The following SAMD12 variants were observed in gnomAD, a reference collection of about 807,000 sequenced individuals.
SAMD12 encodes the protein sterile alpha motif domain-containing protein 12.
Under a neutral mutation model 15.0 loss-of-function variants are expected in SAMD12, and 9 were observed. The observed-to-expected ratio is 0.60, with a 90% confidence interval of 0.36 to 1.05. The LOEUF (loss-of-function observed/expected upper bound fraction) is 1.05. Ranked by LOEUF, SAMD12 falls within the 50% of genes least tolerant of loss-of-function variation. The pLI, the probability that SAMD12 is intolerant of heterozygous loss-of-function variation, is 0.01. For missense variants in SAMD12, 230 were observed against 234.2 expected (o/e 0.98, Z 0.12); for synonymous variants, 86 against 90.1 (o/e 0.96, Z 0.25).
At chr8:118,334,564 T>A (rs1241291225) in intron 4 of SAMD12, among the ~76,000 whole-genome samples, 1 of 152,108 alleles carries the variant, frequency 6.6e-6, no homozygotes, top group Non-Finnish European at 1.5e-5. Flanking sequence ...TGGAATCACA[T>A]CTCCCATAAT....
At chr8:118,159,338 C>T in the SAMD12 span, among the ~76,000 whole-genome samples, 3 of 152,168 alleles carry the variant, frequency 2.0e-5, no homozygotes, top group African/African-American at 7.2e-5. Flanking sequence ...GTGCCTGGAC[C>T]TGCCTGCCCC....
chr8:118,545,553 C>A (rs982023170), intron 2 of SAMD12, among the ~76,000 whole-genome samples: 7 of 152,140 alleles, frequency 4.6e-5, no homozygotes, highest in Admixed American at 3.3e-4. Context: ...ATTAGGACTC[C>A]TGAATTAGGG....
chr8:118,229,472 T>C (rs1282631555), intron 4 of SAMD12, among the ~76,000 whole-genome samples: 3 of 152,140 alleles, frequency 2.0e-5, no homozygotes, highest in African/African-American at 4.8e-5. Flanking sequence ...GTATACCTTA[T>C]TACTAACTAA....
At chr8:118,424,821 T>C (rs1030047033) in intron 3 of SAMD12, among the ~76,000 whole-genome samples, 2 of 151,938 alleles carry the variant, frequency 1.3e-5, no homozygotes, top group Non-Finnish European at 2.9e-5. Flanking sequence ...AGGAAAAGAG[T>C]CATTGGTCTA....
chr8:118,279,682 C>T (rs1813563080), intron 4 of SAMD12, among the ~76,000 whole-genome samples: 1 of 152,212 alleles, frequency 6.6e-6, no homozygotes. Flanking sequence ...TGTGCATTGT[C>T]AGTGCTTTAT....
intron 2 of SAMD12, among the ~76,000 whole-genome samples, chr8:118,522,338 GGA>G (rs1825414305): frequency 6.6e-6 from 1 of 152,008 alleles, no homozygotes; most frequent in Non-Finnish European, 1.5e-5. Flanking sequence ...TGTGGGCAGG[GGA>G]AAAAGGTGTT....
the SAMD12 span, among the ~76,000 whole-genome samples, chr8:118,142,189 T>G: frequency 1.3e-5 from 2 of 152,142 alleles, no homozygotes. Flanking sequence ...TTGTTTCCAG[T>G]GCCAAAATTA....
the SAMD12 span, among the ~76,000 whole-genome samples, chr8:118,133,652 T>C: frequency 2.4e-4 from 36 of 152,240 alleles, no homozygotes; most frequent in African/African-American, 8.4e-4. Flanking sequence ...GTGTTTCTTT[T>C]TACCAAACAG....
chr8:118,291,195 C>T (rs1467298917), intron 4 of SAMD12: 3 of 152,088 alleles, frequency 2.0e-5, no homozygotes. Context: ...ATACATACAC[C>T]TTTTCTTTTT....
At chr8:118,431,462 A>T (rs1458057845) in intron 3 of SAMD12, among the ~76,000 whole-genome samples, 2 of 152,076 alleles carry the variant, frequency 1.3e-5, no homozygotes, top group South Asian at 4.1e-4. Flanking sequence ...TGTTTGGGCA[A>T]GCCTTTCCTT....
chr8:118,366,152 T>G (rs1818757798), intron 4 of SAMD12, among the ~76,000 whole-genome samples: 1 of 152,178 alleles, frequency 6.6e-6, no homozygotes, highest in Non-Finnish European at 1.5e-5. Context: ...TCTCTAGAGC[T>G]CTTAACACTT....
chr8:118,589,675 T>C (rs373319034), intron 1 of SAMD12, among the ~76,000 whole-genome samples: 7 of 152,162 alleles, frequency 4.6e-5, no homozygotes, highest in Non-Finnish European at 1.0e-4. Flanking sequence ...AGGTATCACT[T>C]TGAGAGATTG....
At position 118,621,690 on chromosome 8, in the gene SAMD12, C is replaced by T. The variant is rs1269627363; in HGVS notation, c.13+114G>A. On this transcript the variant is annotated intron_variant, in intron 1 of 3. Transcript: ENST00000314727. ...AAGAGGTGGAGGAGGAAGGGGCCCG[C>T]TCTCCGCCACCCCCTTTCCTCGCCT... The T allele has an allele frequency of 4.3e-5, 53 of 1,235,216 alleles. No homozygotes were observed. In the Admixed American group the frequency reaches 9.1e-4, roughly 21 times the overall value. 76.5% of individuals were successfully genotyped at this position (1,235,216 alleles called of 1,614,324 possible). A position where few individuals can be genotyped will look rare whatever the true frequency, so the allele number is the denominator to read the frequency against.
intron 2 of SAMD12, among the ~76,000 whole-genome samples, chr8:118,497,287 C>G (rs1322371654): frequency 6.6e-6 from 1 of 152,170 alleles, no homozygotes; most frequent in East Asian, 1.9e-4. Flanking sequence ...CATCACAGCA[C>G]TATTCACAAT....
intron 4 of SAMD12, among the ~76,000 whole-genome samples, chr8:118,280,425 G>A (rs1398143356): frequency 6.6e-6 from 1 of 152,164 alleles, no homozygotes; most frequent in African/African-American, 2.4e-5. Context: ...TTGAGTGTGA[G>A]ATAGAATCAA....
chr8:118,574,652 G>A (rs1827103979), intron 2 of SAMD12, among the ~76,000 whole-genome samples: 1 of 152,140 alleles, frequency 6.6e-6, no homozygotes, highest in Admixed American at 6.5e-5. Context: ...TCGGATATAA[G>A]TTTACTGTAG....
chr8:118,621,820 C>T lies in SAMD12; in HGVS notation c.-4G>A. On this transcript the variant is annotated 5_prime_UTR_variant, in exon 1 of 4. Transcript: ENST00000314727. ...GTCCCTTACCTTCCACAGCCATTCTCTCAGAGCTTCCCTAACGCATGCATA... is the reference window on the plus strand; with the variant it reads ...GTCCCTTACCTTCCACAGCCATTCTTTCAGAGCTTCCCTAACGCATGCATA... The T allele has an allele frequency of 6.2e-7, 1 of 1,614,156 alleles. No homozygotes were observed. Among genetic ancestry groups the T allele is most frequent in the Non-Finnish European group, 8.5e-7 (1 of 1,179,998 alleles).
At chr8:118,565,422 G>C (rs1200774656) in intron 2 of SAMD12, among the ~76,000 whole-genome samples, 2 of 152,204 alleles carry the variant, frequency 1.3e-5, no homozygotes, top group African/African-American at 4.8e-5. Flanking sequence ...AATGATGACA[G>C]AGCAAAGATA....
At chr8:118,316,769 C>T (rs1250548003) in intron 4 of SAMD12, among the ~76,000 whole-genome samples, 1 of 151,778 alleles carries the variant, frequency 6.6e-6, no homozygotes. Context: ...AATCCTAACC[C>T]CCACAGGGTC....
Sources: gnomAD v4.1 joint callset for allele counts (sites outside exome capture counted in the v4.1 genomes callset) on GRCh38, gnomAD v4.1.1 for gene constraint, MANE v1.5 for transcripts, NCBI Gene and HGNC (gene_info 2026-07-23, HGNC 2026-07-21) for gene names.